The following CCNA1 variants were observed in gnomAD, a reference collection of about 807,000 sequenced individuals.
The protein encoded by CCNA1 is cyclin A1, also known as cyclin-A1.
A neutral mutation model predicts 54.1 loss-of-function variants in CCNA1; 23 were observed. The ratio of observed to expected loss-of-function variants is 0.42; its 90% confidence interval spans 0.31 to 0.60. The LOEUF is 0.60. Ranked by LOEUF, CCNA1 falls within the 20% of genes least tolerant of loss-of-function variation. The probability of loss-of-function intolerance (pLI) is 0.14; values close to 1 mark genes in which losing one functional copy is unlikely to be tolerated. For missense variants in CCNA1, 450 were observed against 556.7 expected (o/e 0.81, Z 1.93); for synonymous variants, 208 against 213.9 (o/e 0.97, Z 0.24).
intron 2 of CCNA1, among the ~76,000 whole-genome samples, 177 bp downstream of exon 2, chr13:36,433,398 C>A (rs1214716259): frequency 1.0e-5 from 1 of 99,118 alleles, no homozygotes; most frequent in African/African-American, 4.3e-5. Flanking sequence ...TTCTTTCTTT[C>A]TTTCTTTCTT....
In CCNA1 at chr13:36,433,120, T is replaced by A; in HGVS notation, c.196T>A (p.Cys66Ser). 2 of 1,614,176 alleles carry A rather than the reference T, an allele frequency of 1.2e-6. No homozygotes were observed. Among genetic ancestry groups the A allele is most frequent in the Non-Finnish European group, 1.7e-6 (2 of 1,180,036 alleles). Residue 66 changes from cysteine (C) to serine (S), a missense_variant, in exon 2 of 9, where the codon TGT becomes AGT. Transcript: ENST00000255465. ...TACAGTGGCCCGAGGTCCCGATGCT[T>A]GTCAGATACTCACCAGAGCCCCGCT...
chr13:36,442,846 AAAC>A lies in CCNA1; in HGVS notation c.*184_*186del. 1 of 586,200 alleles carries A rather than the reference AAAC, an allele frequency of 1.7e-6. No individual in the cohort carries two copies. The highest frequency in any genetic ancestry group is 2.7e-5 in the East Asian group (1 of 36,364). The allele number at this position is 586,200 out of a possible 1,614,324, so 36.3% of individuals were successfully genotyped here. ...TTTGTAATATAGTCCAACATTTTTTAAACAATAAACTGCTTGTCTTATGACCAT... is the reference window on the plus strand; with the variant it reads ...TTTGTAATATAGTCCAACATTTTTTAAATAAACTGCTTGTCTTATGACCAT... On this transcript the variant is annotated 3_prime_UTR_variant, in exon 9 of 9. Transcript: ENST00000255465.
At chr13:36,441,097 G>A in intron 6 of CCNA1, 21 bp from the exon 7 acceptor site, 1 of 1,324,738 alleles carries the variant, frequency 7.5e-7, no homozygotes, top group African/African-American at 1.4e-5. Flanking sequence ...ATTCCAATGT[G>A]TTTTCTTCTC....
chr13:36,442,866 T>C lies in CCNA1; in HGVS notation c.*201T>C, dbSNP rs974281545. 2.8e-5 allele frequency: 16 copies of C among 577,392 alleles called. No individual in the cohort carries two copies. The Middle Eastern group carries it at 2.3e-3, about 82-fold the overall frequency. 35.8% of individuals were successfully genotyped at this position (577,392 alleles called of 1,614,324 possible). A position where few individuals can be genotyped will look rare whatever the true frequency, so the allele number is the denominator to read the frequency against. ...TTTTTAAACAATAAACTGCTTGTCT[T>C]ATGACCATGTGTTAGATTTATTTAC... On this transcript the variant is annotated 3_prime_UTR_variant, in exon 9 of 9. Transcript: ENST00000255465.
At chr13:36,432,485 T>C, upstream of CCNA1, 1 of 445,424 alleles carries the variant, frequency 2.2e-6, no homozygotes, top group Non-Finnish European at 4.1e-6. Context: ...GATCCTCCAG[T>C]GCACTTGCCA....
rs1405994188 is a variant in CCNA1, at chr13:36,433,440, T to TTTCTTTC, written c.297+220_297+221insTCTTTCT. ...TTTCTTTCTTTCTTTCTTTCTTTCT[T>TTTCTTTC]TCGTTCTTTCTTTCTTTCTTTTCTT... On this transcript the variant is annotated intron_variant, in intron 2 of 8. Coordinates refer to ENST00000255465, the MANE Select transcript of CCNA1 (RefSeq NM_003914.4). 1.7e-3 allele frequency among the ~76,000 whole-genome samples: 132 copies of TTTCTTTC among 79,936 alleles called. 6 individuals carry two copies. The highest frequency in any genetic ancestry group is 6.3e-3 in the Middle Eastern group (1 of 158). 52.4% of individuals were successfully genotyped at this position (79,936 alleles called of 152,430 possible). A position where few individuals can be genotyped will look rare whatever the true frequency, so the allele number is the denominator to read the frequency against.
intron 6 of CCNA1, among the ~76,000 whole-genome samples, chr13:36,440,407 C>A (rs974807526): frequency 6.6e-6 from 1 of 152,154 alleles, no homozygotes; most frequent in African/African-American, 2.4e-5. Context: ...AATCACCCAA[C>A]TATTTAAAAA....
chr13:36,437,294 A>G (rs894999511), intron 2 of CCNA1, among the ~76,000 whole-genome samples: 6 of 152,174 alleles, frequency 3.9e-5, no homozygotes, highest in South Asian at 2.1e-4. Context: ...ATGAAAGCCA[A>G]TTTACAGTTT....
At position 36,437,688 on chromosome 13, in the gene CCNA1, G is replaced by A; in HGVS notation, c.357G>A (p.Lys119=). 1 of 1,614,102 alleles carries A rather than the reference G, an allele frequency of 6.2e-7. No individual in the cohort carries two copies. The highest frequency in any genetic ancestry group is 8.5e-7 in the Non-Finnish European group (1 of 1,179,968). Residue 119 remains lysine, a synonymous_variant, in exon 3 of 9, where the codon AAG becomes AAA. Coordinates refer to ENST00000255465, the MANE Select transcript of CCNA1 (RefSeq NM_003914.4). Reference sequence around the variant, plus strand: ...AAAATGCCTTCCCTCCAGCTGGAAAGAAAGCACTCCCTGACTGTGGGGTCC... The same window carrying A: ...AAAATGCCTTCCCTCCAGCTGGAAAAAAAGCACTCCCTGACTGTGGGGTCC...
intron 2 of CCNA1, among the ~76,000 whole-genome samples, 186 bp downstream of exon 2, chr13:36,433,407 T>G (rs185247411): frequency 1.0e-4 from 12 of 116,168 alleles, no homozygotes; most frequent in African/African-American, 2.9e-4. Context: ...TCTTTCTTTC[T>G]TTCTTTCTTT....
Position 36,433,447 on chromosome 13 carries a change from T to TTTCG in CCNA1, c.297+229_297+230insGTTC, listed in dbSNP as rs1220730561. 1.6e-3 allele frequency among the ~76,000 whole-genome samples: 118 copies of TTTCG among 72,228 alleles called. 4 individuals carry two copies. Among genetic ancestry groups the TTTCG allele is most frequent in the Non-Finnish European group, 3.5e-3 (94 of 26,520 alleles). 47.4% of individuals were successfully genotyped at this position (72,228 alleles called of 152,430 possible). A position where few individuals can be genotyped will look rare whatever the true frequency, so the allele number is the denominator to read the frequency against. Reference sequence around the variant, plus strand: ...CTTTCTTTCTTTCTTTCTTTCGTTCTTTCTTTCTTTCTTTTCTTTCTCTTT... The same window carrying TTTCG: ...CTTTCTTTCTTTCTTTCTTTCGTTCTTTCGTTCTTTCTTTCTTTTCTTTCTCTTT... On this transcript the variant is annotated intron_variant, in intron 2 of 8. Coordinates refer to ENST00000255465, the MANE Select transcript of CCNA1 (RefSeq NM_003914.4).
Position 36,441,110 on chromosome 13 carries a change from G to C in CCNA1, c.1099-8G>C. 6.8e-7 allele frequency: 1 copy of C among 1,479,810 alleles called. No homozygotes were observed. Among genetic ancestry groups the C allele is most frequent in the South Asian group, 1.2e-5 (1 of 84,480 alleles). 91.7% of individuals were successfully genotyped at this position (1,479,810 alleles called of 1,614,324 possible). On this transcript the variant is annotated splice_region_variant and splice_polypyrimidine_tract_variant and intron_variant, in intron 6 of 8. Coordinates refer to ENST00000255465, the MANE Select transcript of CCNA1 (RefSeq NM_003914.4). ...TAATTCCAATGTGTTTTCTTCTCTTGTGCTTAGTACGTAGCAGAGCTGAGT... is the reference window on the plus strand; with the variant it reads ...TAATTCCAATGTGTTTTCTTCTCTTCTGCTTAGTACGTAGCAGAGCTGAGT...
chr13:36,441,245 T>A lies in CCNA1; in HGVS notation c.1212+14T>A, dbSNP rs1225735887. 1.3e-6 allele frequency: 2 copies of A among 1,484,424 alleles called. No individual in the cohort carries two copies. Among genetic ancestry groups the A allele is most frequent in the Non-Finnish European group, 1.9e-6 (2 of 1,063,370 alleles). The allele number at this position is 1,484,424 out of a possible 1,614,324, so 92.0% of individuals were successfully genotyped here. Reference sequence around the variant, plus strand: ...AAGCACTTTTGGGTAAGATTCTAACTTCTTTCTAGATGAAATTCAAGGTCT... The same window carrying A: ...AAGCACTTTTGGGTAAGATTCTAACATCTTTCTAGATGAAATTCAAGGTCT... On this transcript the variant is annotated intron_variant, in intron 7 of 8. Transcript: ENST00000255465.
Position 36,432,585 on chromosome 13 carries a change from AGGAGGC to A in CCNA1, c.-36_-31del. 7.2e-7 allele frequency: 1 copy of A among 1,383,170 alleles called. No individual in the cohort carries two copies. The highest frequency in any genetic ancestry group is 1.4e-5 in the South Asian group (1 of 72,154). The allele number at this position is 1,383,170 out of a possible 1,614,324, so 85.7% of individuals were successfully genotyped here. ...GTTTTGGGGCCTCCTGTCTGGTGGG[AGGAGGC>A]CGCAGCGCAGCACCCTGCTCGTCAC... On this transcript the variant is annotated 5_prime_UTR_variant, in exon 1 of 9. Transcript: ENST00000255465.
chr13:36,442,248 C>T lies in CCNA1; in HGVS notation c.1290C>T (p.Tyr430=), dbSNP rs2055884295. The T allele has an allele frequency of 6.2e-7, 1 of 1,613,702 alleles. No individual in the cohort carries two copies. The highest frequency in any genetic ancestry group is 1.7e-5 in the Admixed American group (1 of 59,992). The change falls in exon 8 of 9, where the codon TAC becomes TAT. Residue 430 remains tyrosine (Y), a synonymous_variant. Transcript: ENST00000255465. ...GCCTGAGTGAGCTTCATAAAGCGTA[C>T]CTTGATATACCCCATCGACCTCAGC...
At position 36,438,756 on chromosome 13, in the gene CCNA1, G is replaced by A. The variant is rs772994512; in HGVS notation, c.782G>A (p.Arg261Gln). 7 of 1,613,912 alleles carry A rather than the reference G, an allele frequency of 4.3e-6. No individual in the cohort carries two copies. The highest frequency in any genetic ancestry group is 5.1e-6 in the Non-Finnish European group (6 of 1,179,944). Residue 261 changes from arginine (R) to glutamine (Q), a missense_variant, in exon 5 of 9, where the codon CGA becomes CAA. This residue lies in a region of CCNA1 where 150 missense variants were observed against 219.7 expected (regional missense o/e 0.68). Coordinates refer to ENST00000255465, the MANE Select transcript of CCNA1 (RefSeq NM_003914.4). Reference sequence around the variant, plus strand: ...GAGGTTGGGGAAGAATATAAACTTCGAGCAGAGACCCTGTATCTGGCTGTC... The same window carrying A: ...GAGGTTGGGGAAGAATATAAACTTCAAGCAGAGACCCTGTATCTGGCTGTC...
Position 36,438,025 on chromosome 13 carries a change from TTTAAA to T in CCNA1, c.545-35_545-31del, listed in dbSNP as rs756715582. 5.0e-6 allele frequency: 8 copies of T among 1,601,972 alleles called. No homozygotes were observed. The East Asian group carries it at 1.8e-4, about 36-fold the overall frequency. Reference sequence around the variant, plus strand: ...AGAGGGTTAGTGGATTGAACAAATGTTTAAATTAAATGAGTTATCTGACAGTGTTG... The same window carrying T: ...AGAGGGTTAGTGGATTGAACAAATGTTTAAATGAGTTATCTGACAGTGTTG... On this transcript the variant is annotated intron_variant, in intron 3 of 8. Coordinates refer to ENST00000255465, the MANE Select transcript of CCNA1 (RefSeq NM_003914.4).
intron 2 of CCNA1, among the ~76,000 whole-genome samples, chr13:36,433,564 G>A (rs1477556445): frequency 1.5e-5 from 2 of 131,352 alleles, no homozygotes; most frequent in East Asian, 2.2e-4. Context: ...TTTTTGAGAC[G>A]GAGTTTCGCT....
chr13:36,434,826 G>GGCCCCCCCCCC (rs2055780381), intron 2 of CCNA1, among the ~76,000 whole-genome samples: 1 of 110,894 alleles, frequency 9.0e-6, no homozygotes, highest in African/African-American at 3.3e-5. Context: ...CATGAGAGGT[G>GGCCCCCCCCCC]CCCCCCCCCC....
Sources: gnomAD v4.1 joint callset for allele counts (sites outside exome capture counted in the v4.1 genomes callset) on GRCh38, gnomAD v4.1.1 for gene constraint, gnomAD v4.1.1 regional missense constraint, MANE v1.5 for transcripts, NCBI Gene and HGNC (gene_info 2026-07-23, HGNC 2026-07-21) for gene names.